Variants in BTBD9 observed in about 807,000 individuals in gnomAD.
The protein encoded by BTBD9 is BTB/POZ domain-containing protein 9.
A neutral mutation model predicts 64.3 loss-of-function variants in BTBD9; 49 were observed. That is an observed-to-expected ratio of 0.76 (90% CI 0.61 to 0.97). The LOEUF (loss-of-function observed/expected upper bound fraction) is 0.97. BTBD9 is among the 50% of genes least tolerant of loss of function. BTBD9 has a pLI of 0.00. For missense variants in BTBD9, 598 were observed against 762.1 expected (o/e 0.78, Z 2.53); for synonymous variants, 260 against 274.7 (o/e 0.95, Z 0.53).
intron 8 of BTBD9, among the ~76,000 whole-genome samples, chr6:38,265,384 G>T (rs1412962357): frequency 1.3e-5 from 2 of 151,938 alleles, no homozygotes; most frequent in Non-Finnish European, 2.9e-5. Context: ...TATAATCTAG[G>T]TATGTTATCT....
At chr6:38,329,427 A>T (rs1763588203) in intron 7 of BTBD9, among the ~76,000 whole-genome samples, 1 of 148,658 alleles carries the variant, frequency 6.7e-6, no homozygotes, top group African/African-American at 2.5e-5. Flanking sequence ...GTTTCAAAAG[A>T]CTCTCCCACC....
intron 6 of BTBD9, among the ~76,000 whole-genome samples, chr6:38,451,624 G>A (rs1356215289): frequency 6.6e-6 from 1 of 152,134 alleles, no homozygotes; most frequent in Non-Finnish European, 1.5e-5. Context: ...GAACAAGGAT[G>A]ATGGTGACCA....
chr6:38,503,904 T>C (rs1772329391), intron 6 of BTBD9, among the ~76,000 whole-genome samples: 1 of 152,146 alleles, frequency 6.6e-6, no homozygotes, highest in Admixed American at 6.5e-5. Context: ...TAAATGCAAA[T>C]ATATCACACT....
chr6:38,477,976 G>A (rs1770965468), intron 6 of BTBD9, among the ~76,000 whole-genome samples: 1 of 152,166 alleles, frequency 6.6e-6, no homozygotes, highest in African/African-American at 2.4e-5. Context: ...TAAAAACGGT[G>A]CAACCTCTCT....
At chr6:38,541,837 G>C (rs766075101) in intron 6 of BTBD9, among the ~76,000 whole-genome samples, 2 of 152,202 alleles carry the variant, frequency 1.3e-5, no homozygotes, top group African/African-American at 4.8e-5. Context: ...TCTGCTTCTA[G>C]AAAGTTTAAT....
rs778538221 is a variant in BTBD9 at position 38,597,981 on chromosome 6, G to A, written c.114C>T (p.Val38=). The change falls in exon 2 of 11, where the codon GTC becomes GTT. Residue 38 remains valine, a synonymous_variant. Transcript: ENST00000481247. ...AACGTTTCTTTTCCACCACGAATGT[G>A]ACGTCGCCATATTCTTCCCCAATCA... ...ALLIGEEYGD[V]TFVVEKKRFP... 3.0e-5 allele frequency: 48 copies of A among 1,613,978 alleles called. 1 individual carries two copies. In the South Asian group the frequency reaches 5.3e-4, roughly 18 times the overall value.
intron 1 of BTBD9, among the ~76,000 whole-genome samples, chr6:38,626,952 T>C (rs1025887884): frequency 6.6e-6 from 1 of 152,222 alleles, no homozygotes; most frequent in African/African-American, 2.4e-5. Flanking sequence ...TAATTACCAC[T>C]GAAATAAATG....
At chr6:38,458,215 TTC>T (rs1361956079) in intron 6 of BTBD9, among the ~76,000 whole-genome samples, 1 of 152,246 alleles carries the variant, frequency 6.6e-6, no homozygotes, top group Non-Finnish European at 1.5e-5. Context: ...CCTAGAATTA[TTC>T]TGAGGGTTCT....
chr6:38,473,977 T>C (rs1028817179), intron 6 of BTBD9, among the ~76,000 whole-genome samples: 2 of 152,152 alleles, frequency 1.3e-5, no homozygotes, highest in African/African-American at 4.8e-5. Flanking sequence ...AGGAAAGAGC[T>C]TGGCACATTT....
chr6:38,245,189 C>A (rs185593373), intron 9 of BTBD9, among the ~76,000 whole-genome samples: 39 of 152,330 alleles, frequency 2.6e-4, no homozygotes, highest in Admixed American at 9.1e-4. Flanking sequence ...CTGGAGCTTA[C>A]CTTCTGGTGC....
intron 6 of BTBD9, among the ~76,000 whole-genome samples, chr6:38,387,806 C>T (rs1430585679): frequency 1.3e-5 from 2 of 152,216 alleles, no homozygotes; most frequent in East Asian, 3.9e-4. Flanking sequence ...ATGCCAAATA[C>T]ATCCATGCAG....
chr6:38,349,649 T>C (rs189381330), intron 6 of BTBD9, among the ~76,000 whole-genome samples: 9 of 152,246 alleles, frequency 5.9e-5, no homozygotes, highest in Admixed American at 1.3e-4. Flanking sequence ...TAAGGTTCAG[T>C]ACCATGCATA....
chr6:38,467,805 A>T (rs772186881), intron 6 of BTBD9, among the ~76,000 whole-genome samples: 9 of 151,790 alleles, frequency 5.9e-5, no homozygotes, highest in Non-Finnish European at 1.0e-4. Flanking sequence ...GTTTGACTCC[A>T]CTCCTACTTC....
intron 6 of BTBD9, among the ~76,000 whole-genome samples, chr6:38,414,846 T>C (rs1284111080): frequency 6.6e-6 from 1 of 152,178 alleles, no homozygotes; most frequent in Non-Finnish European, 1.5e-5. Context: ...GCTTTCTCCT[T>C]TTACTTTATA....
intron 6 of BTBD9, among the ~76,000 whole-genome samples, chr6:38,511,650 C>T (rs1772782218): frequency 6.6e-6 from 1 of 151,932 alleles, no homozygotes; most frequent in African/African-American, 2.4e-5. Context: ...CTGTAAATAC[C>T]TCTGATGTAG....
intron 6 of BTBD9, among the ~76,000 whole-genome samples, chr6:38,422,456 A>G (rs1767946784): frequency 6.6e-6 from 1 of 152,160 alleles, no homozygotes; most frequent in Non-Finnish European, 1.5e-5. Context: ...ATTTTTTAAA[A>G]AAAGTTTATG....
intron 1 of BTBD9, among the ~76,000 whole-genome samples, chr6:38,634,663 T>C (rs1365729474): frequency 6.6e-6 from 1 of 151,718 alleles, no homozygotes; most frequent in African/African-American, 2.4e-5. Flanking sequence ...TTTTCTGTAG[T>C]TATTTTGTGT....
chr6:38,257,122 C>T (rs1466324842), intron 8 of BTBD9, among the ~76,000 whole-genome samples: 7 of 147,680 alleles, frequency 4.7e-5, no homozygotes, highest in Non-Finnish European at 7.4e-5. Flanking sequence ...CAGGCAGGTC[C>T]TGAACTCCTG....
intron 6 of BTBD9, among the ~76,000 whole-genome samples, chr6:38,470,425 A>C (rs1770599144): frequency 6.6e-6 from 1 of 152,212 alleles, no homozygotes; most frequent in African/African-American, 2.4e-5. Context: ...AAATGGAAGC[A>C]TAGGTTGAAG....
Sources: gnomAD v4.1 joint callset for allele counts (sites outside exome capture counted in the v4.1 genomes callset) on GRCh38, gnomAD v4.1.1 for gene constraint, MANE v1.5 for transcripts, NCBI Gene and HGNC (gene_info 2026-07-23, HGNC 2026-07-21) for gene names.